The following GPA33 variants were observed in gnomAD, a reference collection of about 807,000 sequenced individuals.
GPA33 encodes the protein glycoprotein A33, also known as cell surface A33 antigen.
A neutral mutation model predicts 35.6 loss-of-function variants in GPA33; 27 were observed. That is an observed-to-expected ratio of 0.76 (90% CI 0.56 to 1.04). The LOEUF is 1.04. Among genes scored for constraint, GPA33 ranks in the 50% least tolerant of loss-of-function variants. The pLI, the probability that GPA33 is intolerant of heterozygous loss-of-function variation, is 0.00. For missense variants in GPA33, 428 were observed against 411.9 expected (o/e 1.04, Z -0.34); for synonymous variants, 176 against 164.0 (o/e 1.07, Z -0.56).
At chr1:167,078,809 A>G (rs1666871938) in intron 1 of GPA33, 1 of 152,246 alleles carries the variant, frequency 6.6e-6, no homozygotes, top group South Asian at 2.1e-4. Context: ...TGAGCAGTTT[A>G]CTTAAGACCT....
chr1:167,084,010 C>T (rs1667005065), intron 1 of GPA33, among the ~76,000 whole-genome samples: 1 of 152,176 alleles, frequency 6.6e-6, no homozygotes. Context: ...CCTGCCCCCA[C>T]CAAGATCCTC....
intron 1 of GPA33, among the ~76,000 whole-genome samples, chr1:167,076,829 C>G (rs1480956422): frequency 1.3e-5 from 2 of 152,206 alleles, no homozygotes; most frequent in African/African-American, 4.8e-5. Flanking sequence ...TGATGCTGCT[C>G]CAGAAGGTGA....
At chr1:167,081,170 C>T (rs181339353) in intron 1 of GPA33, among the ~76,000 whole-genome samples, 100 of 152,252 alleles carry the variant, frequency 6.6e-4, no homozygotes, top group Non-Finnish European at 1.1e-3. Flanking sequence ...GAAAATAATA[C>T]GTTGGAGGAT....
chr1:167,063,491 G>A (rs999911393), intron 4 of GPA33, 91 bp downstream of exon 4: 13 of 1,184,054 alleles, frequency 1.1e-5, no homozygotes, highest in South Asian at 4.4e-5. Context: ...AGGGGGATCT[G>A]ATCGGTCAAC....
chr1:167,055,068 C>G lies in GPA33; in HGVS notation c.735G>C (p.Val245=). 6.2e-7 allele frequency: 1 copy of G among 1,613,566 alleles called. No individual in the cohort carries two copies. Among genetic ancestry groups the G allele is most frequent in the Non-Finnish European group, 8.5e-7 (1 of 1,179,958 alleles). ...TGCCAATGATAATGAGGGCTGCAAC[C>G]ACGCCCACCGCGATGCCCACATACA... ...VALYVGIAVG[V]VAALIIIGII... The change falls in exon 6 of 7, where the codon GTG becomes GTC. Residue 245 remains valine (V), a synonymous_variant. Transcript: ENST00000367868.
intron 1 of GPA33, among the ~76,000 whole-genome samples, chr1:167,082,532 T>A (rs1165586985): frequency 1.3e-5 from 2 of 152,090 alleles, no homozygotes; most frequent in Non-Finnish European, 2.9e-5. Context: ...GGGAAGGTGC[T>A]GCCAGCAAGG....
chr1:167,089,107 A>G (rs1667108774), intron 1 of GPA33, among the ~76,000 whole-genome samples: 1 of 152,198 alleles, frequency 6.6e-6, no homozygotes, highest in South Asian at 2.1e-4. Flanking sequence ...GCCTGAGAGA[A>G]TGATCTTACC....
At chr1:167,077,266 C>T (rs755311480) in intron 1 of GPA33, among the ~76,000 whole-genome samples, 14 of 152,052 alleles carry the variant, frequency 9.2e-5, no homozygotes, top group Admixed American at 9.2e-4. Flanking sequence ...CACCCTTCAT[C>T]AGAAGGTTAC....
chr1:167,054,526 C>A, intron 6 of GPA33, 60 bp from the exon 7 acceptor site: 1 of 1,608,658 alleles, frequency 6.2e-7, no homozygotes, highest in South Asian at 1.1e-5. Context: ...CTCAAGGGAG[C>A]TGGGCCTCAT....
intron 4 of GPA33, among the ~76,000 whole-genome samples, chr1:167,056,226 C>T (rs961614194): frequency 3.3e-5 from 5 of 152,144 alleles, no homozygotes; most frequent in Non-Finnish European, 5.9e-5. Flanking sequence ...CAACAGAATG[C>T]CTGATATGTA....
rs1467471951 is a variant in GPA33, at chr1:167,053,487, CAA to C, written c.*845_*846del. 1 of 152,284 alleles carries C rather than the reference CAA, an allele frequency of 6.6e-6. No individual in the cohort carries two copies. The highest frequency in any genetic ancestry group is 1.5e-5 in the Non-Finnish European group (1 of 68,072). The allele number at this position is 152,284 out of a possible 1,614,324, so 9.4% of individuals were successfully genotyped here. On this transcript the variant is annotated 3_prime_UTR_variant, in exon 7 of 7. Transcript: ENST00000367868. ...CCAGCTACTAGGGCTTCAGGGAAAG[CAA>C]AAGCCATGAGGCCCAGGCCCTGCCC...
intron 1 of GPA33, among the ~76,000 whole-genome samples, chr1:167,086,329 G>T (rs1667046694): frequency 6.6e-6 from 1 of 152,234 alleles, no homozygotes. Flanking sequence ...TCTTGCAGTT[G>T]CATTTGCGGG....
Position 167,063,581 on chromosome 1 carries a change from C to T in GPA33, c.571+1G>A. 6.2e-7 allele frequency: 1 copy of T among 1,601,574 alleles called. No homozygotes were observed. The highest frequency in any genetic ancestry group is 8.5e-7 in the Non-Finnish European group (1 of 1,172,158). The stretch of plus-strand genomic sequence containing the variant: ...GCCCGCCTTCCCTACTGCCCCCTTA[C>T]CTGGCTGGGCCAGGGGCTGCTCCTG... On this transcript the variant is annotated splice_donor_variant, in intron 4 of 6. Transcript: ENST00000367868. LOFTEE classifies it high-confidence loss of function.
intron 4 of GPA33, among the ~76,000 whole-genome samples, chr1:167,063,035 C>T (rs148077052): frequency 1.3e-5 from 2 of 152,220 alleles, no homozygotes; most frequent in Non-Finnish European, 1.5e-5. Flanking sequence ...GAATGAGGAA[C>T]AAAGAAAACA....
intron 2 of GPA33, among the ~76,000 whole-genome samples, chr1:167,069,362 T>C (rs1666670995): frequency 6.6e-6 from 1 of 152,238 alleles, no homozygotes. Flanking sequence ...TGAAAGAAGT[T>C]AGGCAGTTCA....
intron 1 of GPA33, among the ~76,000 whole-genome samples, chr1:167,074,940 G>A (rs1305117005): frequency 7.4e-6 from 1 of 134,556 alleles, no homozygotes; most frequent in African/African-American, 2.9e-5. Context: ...AGAGAGTCTC[G>A]CTCTGTTGCC....
intron 4 of GPA33, among the ~76,000 whole-genome samples, chr1:167,059,732 C>T (rs1666392089): frequency 6.6e-6 from 1 of 152,136 alleles, no homozygotes. Flanking sequence ...ATGGGATCTC[C>T]TCTCATCCTC....
intron 5 of GPA33, among the ~76,000 whole-genome samples, chr1:167,055,367 G>A (rs955422807): frequency 1.3e-5 from 2 of 152,130 alleles, no homozygotes; most frequent in African/African-American, 4.8e-5. Context: ...AGCCCAGCCA[G>A]CTCTTTAAGC....
At chr1:167,087,613 C>A (rs906189461) in intron 1 of GPA33, among the ~76,000 whole-genome samples, 1 of 152,120 alleles carries the variant, frequency 6.6e-6, no homozygotes, top group Non-Finnish European at 1.5e-5. Context: ...TTAGAATTGT[C>A]AGCACATGAT....
Sources: allele counts gnomAD v4.1 joint callset (sites outside exome capture counted in the v4.1 genomes callset), GRCh38; gene constraint gnomAD v4.1.1; transcripts MANE v1.5; gene names NCBI Gene and HGNC (gene_info 2026-07-23, HGNC 2026-07-21).